CDH13: variants seen among roughly 807,000 people sequenced by gnomAD.
The protein encoded by CDH13 is cadherin-13.
CDH13 carries 24 observed loss-of-function variants against 63.8 expected under a neutral mutation model. The ratio of observed to expected loss-of-function variants is 0.38; its 90% CI spans 0.27 to 0.53. The LOEUF (loss-of-function observed/expected upper bound fraction) is 0.53, where lower values mean the gene tolerates loss of function less well. Among genes scored for constraint, CDH13 ranks in the 20% least tolerant of loss-of-function variants. The pLI is 0.85. For missense variants in CDH13, 1,049 were observed against 903.1 expected (o/e 1.16, Z -2.07); for synonymous variants, 503 against 355.3 (o/e 1.42, Z -4.67).
intron 1 of CDH13, among the ~76,000 whole-genome samples, chr16:82,668,386 G>T (rs1912855779): frequency 6.6e-6 from 1 of 152,164 alleles, no homozygotes; most frequent in Admixed American, 6.5e-5. Flanking sequence ...GGTTCTAGAG[G>T]ACTCGACTTC....
intron 6 of CDH13, among the ~76,000 whole-genome samples, chr16:83,461,355 T>C (rs1011067892): frequency 2.0e-5 from 3 of 152,152 alleles, no homozygotes; most frequent in African/African-American, 7.2e-5. Flanking sequence ...TTTATTAAAA[T>C]CTGGCTCATC....
At chr16:83,160,242 C>T (rs1392048291) in intron 4 of CDH13, among the ~76,000 whole-genome samples, 1 of 151,978 alleles carries the variant, frequency 6.6e-6, no homozygotes, top group African/African-American at 2.4e-5. Context: ...ATGTACCACT[C>T]TGGTGGGGGT....
rs976089949 is a variant in CDH13, at chr16:83,047,217, C to T, written c.366+14999C>T. 6.6e-6 allele frequency among the ~76,000 whole-genome samples: 1 copy of T among 152,072 alleles called. No homozygotes were observed. Among genetic ancestry groups the T allele is most frequent in the Admixed American group, 6.6e-5 (1 of 15,236 alleles). ...TGAAGACCACCTCCTGCCCCTCACTCTTACTCCAGAGGCCTGTGTATTTAT... is the reference window on the plus strand; with the variant it reads ...TGAAGACCACCTCCTGCCCCTCACTTTTACTCCAGAGGCCTGTGTATTTAT... On this transcript the variant is annotated intron_variant, in intron 3 of 13. Transcript: ENST00000567109. This position sits in a 1 kb window ranked among gnomAD's most constrained non-coding sequence, Gnocchi z 4.9.
At chr16:83,169,830 T>A (rs12600193) in intron 4 of CDH13, among the ~76,000 whole-genome samples, 9,492 of 152,168 alleles carry the variant, frequency 0.062, 533 homozygotes, top group African/African-American at 0.14. Context: ...TTCTCTTGTT[T>A]ATACAATTAA....
intron 6 of CDH13, among the ~76,000 whole-genome samples, chr16:83,359,243 T>A (rs1243512866): frequency 6.6e-6 from 1 of 152,220 alleles, no homozygotes; most frequent in East Asian, 1.9e-4. Flanking sequence ...ACTGTGATTA[T>A]GAGACCTTAA....
chr16:83,021,572 A>G lies in CDH13; in HGVS notation c.158-10438A>G, dbSNP rs138937522. 3.9e-5 allele frequency among the ~76,000 whole-genome samples: 6 copies of G among 152,352 alleles called. No individual in the cohort carries two copies. The East Asian group carries it at 9.7e-4, about 25-fold the overall frequency. ...GAAGCCCTTAAGGGTTACATGGCAAAAATAGGTTTCTGCTGAAGATTGTTG... is the reference window on the plus strand; with the variant it reads ...GAAGCCCTTAAGGGTTACATGGCAAGAATAGGTTTCTGCTGAAGATTGTTG... On this transcript the variant is annotated intron_variant, in intron 2 of 13. Transcript: ENST00000567109.
At chr16:83,787,467 T>G (rs1915961198) in intron 13 of CDH13, among the ~76,000 whole-genome samples, 1 of 152,182 alleles carries the variant, frequency 6.6e-6, no homozygotes, top group African/African-American at 2.4e-5. Flanking sequence ...TGCTGGAGGA[T>G]CCTGTCATTT....
intron 10 of CDH13, among the ~76,000 whole-genome samples, chr16:83,713,225 C>T (rs1327587709): frequency 6.6e-6 from 1 of 152,216 alleles, no homozygotes; most frequent in African/African-American, 2.4e-5. Flanking sequence ...GTCTAACGGG[C>T]TGGGGTCCTT....
intron 8 of CDH13, among the ~76,000 whole-genome samples, chr16:83,624,701 C>T (rs1057145869): frequency 6.6e-6 from 1 of 152,022 alleles, no homozygotes; most frequent in Non-Finnish European, 1.5e-5. Flanking sequence ...GGTTGGGGAC[C>T]CTTGCCCTAG....
At chr16:83,136,893 G>T (rs1192657012) in intron 4 of CDH13, among the ~76,000 whole-genome samples, 1 of 152,224 alleles carries the variant, frequency 6.6e-6, no homozygotes, top group East Asian at 1.9e-4. Flanking sequence ...TGGAAGCCTT[G>T]AGTTGGAGTG....
chr16:82,732,951 A>G (rs1269750260), intron 1 of CDH13, among the ~76,000 whole-genome samples: 1 of 152,188 alleles, frequency 6.6e-6, no homozygotes, highest in Non-Finnish European at 1.5e-5. Context: ...AGAAAGACAA[A>G]TGGAGTTGAA....
At chr16:82,738,044 G>T (rs1449934036) in intron 1 of CDH13, among the ~76,000 whole-genome samples, 1 of 152,102 alleles carries the variant, frequency 6.6e-6, no homozygotes, top group African/African-American at 2.4e-5. Context: ...TCAATTACAG[G>T]CGCTGTGTTG....
intron 6 of CDH13, among the ~76,000 whole-genome samples, chr16:83,442,593 T>A (rs1414317951): frequency 6.6e-6 from 1 of 152,254 alleles, no homozygotes; most frequent in East Asian, 1.9e-4. Flanking sequence ...TAGTCAATAC[T>A]TCAGCCTTTC....
intron 1 of CDH13, among the ~76,000 whole-genome samples, chr16:82,675,278 T>C (rs532673303): frequency 6.6e-6 from 1 of 152,348 alleles, no homozygotes; most frequent in Non-Finnish European, 1.5e-5. Context: ...GAACCTGAGA[T>C]TATTTTTCAT....
At chr16:82,899,130 C>A (rs982097913) in intron 2 of CDH13, among the ~76,000 whole-genome samples, 1 of 152,202 alleles carries the variant, frequency 6.6e-6, no homozygotes, top group African/African-American at 2.4e-5. Context: ...GCACAGTGTG[C>A]CTTCCTTTAC....
At chr16:83,037,548 G>C (rs530978563) in intron 3 of CDH13, among the ~76,000 whole-genome samples, 1 of 152,176 alleles carries the variant, frequency 6.6e-6, no homozygotes, top group Admixed American at 6.5e-5. Flanking sequence ...AGATTGTCTA[G>C]CCTGGAGGAT....
chr16:83,027,764 T>C lies in CDH13; in HGVS notation c.158-4246T>C, dbSNP rs79964845. Among the ~76,000 whole-genome samples, 1,375 of 152,246 alleles carry C rather than the reference T, an allele frequency of 9.0e-3. 24 individuals carry two copies. The highest frequency in any genetic ancestry group is 0.031 in the African/African-American group (1,287 of 41,522). ...TCTCCATTCTAACTTCCTTCAATTC[T>C]CCCTTGCTGTCTGTGCCAATCTAAC... On this transcript the variant is annotated intron_variant, in intron 2 of 13. Transcript: ENST00000567109.
intron 6 of CDH13, among the ~76,000 whole-genome samples, chr16:83,458,415 A>G (rs769912105): frequency 6.6e-6 from 1 of 152,138 alleles, no homozygotes; most frequent in African/African-American, 2.4e-5. Context: ...GCCATTAACA[A>G]CTGTGTGTAG....
intron 1 of CDH13, among the ~76,000 whole-genome samples, chr16:82,662,165 G>C (rs1912023385): frequency 6.7e-6 from 1 of 148,878 alleles, no homozygotes; most frequent in South Asian, 2.1e-4. Context: ...GGCATAGAAA[G>C]GTCACCCTTG....
Sources: gnomAD v4.1 joint callset for allele counts (sites outside exome capture counted in the v4.1 genomes callset) on GRCh38, gnomAD v4.1.1 for gene constraint, Gnocchi (gnomAD v3.1) non-coding constraint, MANE v1.5 for transcripts, NCBI Gene and HGNC (gene_info 2026-07-23, HGNC 2026-07-21) for gene names.